Variants in HERC4 observed in about 807,000 individuals in gnomAD.
The protein encoded by HERC4 is HECT and RLD domain containing E3 ubiquitin protein ligase 4.
A neutral mutation model predicts 124.3 loss-of-function variants in HERC4; 28 were observed. The ratio of observed to expected loss-of-function variants is 0.23; its 90% CI spans 0.17 to 0.31. The LOEUF (loss-of-function observed/expected upper bound fraction) is 0.31. HERC4 is among the 10% of genes least tolerant of loss of function. The pLI, the probability that HERC4 is intolerant of heterozygous loss-of-function variation, is 1.00. For synonymous variants in HERC4, 407 were observed against 421.5 expected (o/e 0.97, Z 0.42); for missense variants, 713 against 1,229.3 (o/e 0.58, Z 6.28).
At chr10:68,059,877 A>T (rs1564610195) in intron 3 of HERC4, among the ~76,000 whole-genome samples, 4 of 75,376 alleles carry the variant, frequency 5.3e-5, no homozygotes, top group African/African-American at 2.1e-4. Flanking sequence ...TATTATAATA[A>T]TATTATATAT....
At chr10:68,051,697 T>C (rs2040319848) in intron 3 of HERC4, among the ~76,000 whole-genome samples, 4 of 147,792 alleles carry the variant, frequency 2.7e-5, no homozygotes, top group East Asian at 2.0e-4. Context: ...TTTTCTTTTT[T>C]TTTTTTTTTT....
At chr10:68,043,112 A>G (rs561606607) in intron 4 of HERC4, among the ~76,000 whole-genome samples, 4 of 152,238 alleles carry the variant, frequency 2.6e-5, no homozygotes, top group African/African-American at 9.6e-5. Flanking sequence ...CTTATAATTA[A>G]CTTTCTTTCC....
chr10:68,037,219 C>T (rs758966892), intron 5 of HERC4, among the ~76,000 whole-genome samples: 4 of 151,592 alleles, frequency 2.6e-5, no homozygotes, highest in Non-Finnish European at 4.4e-5. Flanking sequence ...CTCAGCCTCC[C>T]GAGTAGCTGG....
chr10:67,934,744 A>C (rs868016149), intron 22 of HERC4, among the ~76,000 whole-genome samples: 1 of 152,106 alleles, frequency 6.6e-6, no homozygotes, highest in African/African-American at 2.4e-5. Context: ...CCTTGATTCC[A>C]GTGTCTGATG....
At chr10:67,963,359 G>C (rs899940519) in intron 16 of HERC4, among the ~76,000 whole-genome samples, 1 of 152,156 alleles carries the variant, frequency 6.6e-6, no homozygotes, top group African/African-American at 2.4e-5. Flanking sequence ...TGGGATTACA[G>C]GTGCCCGCCA....
chr10:68,022,274 C>T (rs918790544), intron 8 of HERC4, among the ~76,000 whole-genome samples: 20 of 151,962 alleles, frequency 1.3e-4, no homozygotes, highest in Admixed American at 2.6e-4. Context: ...CCGAGGTGGG[C>T]GGATCAACTG....
intron 4 of HERC4, among the ~76,000 whole-genome samples, chr10:68,042,955 A>G (rs1205888190): frequency 6.6e-6 from 1 of 152,236 alleles, no homozygotes; most frequent in Non-Finnish European, 1.5e-5. Flanking sequence ...TACAGCTTAA[A>G]GTTAATACAG....
chr10:68,010,374 C>A, intron 9 of HERC4: 1 of 960,730 alleles, frequency 1.0e-6, no homozygotes, highest in East Asian at 2.7e-5. Context: ...CACTGGTGCC[C>A]CTGAGAAAGG....
rs1187890272 is a variant in HERC4, at chr10:68,071,244, G to A, written c.226+1639C>T. Reference sequence around the variant, plus strand: ...ACAATGTCAACATGACCACAAAGAAGCCTATTCTAGCTAGTTAAGTTTCTC... The same window carrying A: ...ACAATGTCAACATGACCACAAAGAAACCTATTCTAGCTAGTTAAGTTTCTC... On this transcript the variant is annotated intron_variant, in intron 3 of 24. Transcript: ENST00000373700. Among the ~76,000 whole-genome samples, 4 of 152,194 alleles carry A rather than the reference G, an allele frequency of 2.6e-5. No homozygotes were observed. In the East Asian group the frequency reaches 7.7e-4, roughly 29 times the overall value.
chr10:67,974,190 C>A (rs372261160), intron 15 of HERC4, among the ~76,000 whole-genome samples: 1 of 150,050 alleles, frequency 6.7e-6, no homozygotes, highest in Admixed American at 6.7e-5. Flanking sequence ...TCAAGTTACT[C>A]GAGAAACGTT....
chr10:67,987,131 T>G (rs1017844446), intron 15 of HERC4, among the ~76,000 whole-genome samples: 8 of 152,216 alleles, frequency 5.3e-5, no homozygotes, highest in African/African-American at 1.9e-4. Context: ...GTATTTAGAA[T>G]GAGTCCATCA....
chr10:67,965,383 T>C (rs773678655), intron 16 of HERC4: 4 of 152,208 alleles, frequency 2.6e-5, no homozygotes, highest in African/African-American at 4.8e-5. Context: ...GTATTTCCAA[T>C]ACCTAAATCA....
At chr10:67,952,337 G>A (rs978976784) in intron 19 of HERC4, among the ~76,000 whole-genome samples, 4 of 152,110 alleles carry the variant, frequency 2.6e-5, no homozygotes, top group Admixed American at 2.0e-4. Flanking sequence ...AGGCTGGAGT[G>A]CAGTGGCGCG....
Position 67,939,590 on chromosome 10 carries a change from TA to T in HERC4, c.2568del (p.Phe856LeufsTer13). On this transcript the variant is annotated frameshift_variant, in exon 21 of 25. Coordinates refer to ENST00000373700, the MANE Select transcript of HERC4 (RefSeq NM_015601.4). LOFTEE classifies it high-confidence loss of function. ...DDIEETFCLN[F>X]TITVENFGAT... is the part of the protein sequence containing the mutation. ...TAACCTATGTCCTTCCATCTTACCG[TA>T]AAATTAAGACAAAATGTTTCCTCTA... 6.2e-7 allele frequency: 1 copy of T among 1,600,048 alleles called. No individual in the cohort carries two copies. The highest frequency in any genetic ancestry group is 8.5e-7 in the Non-Finnish European group (1 of 1,170,510).
At chr10:68,032,991 C>T (rs892731918) in intron 6 of HERC4, 122 bp from the exon 7 acceptor site, 9 of 621,306 alleles carry the variant, frequency 1.4e-5, no homozygotes, top group Non-Finnish European at 2.3e-5. Context: ...AACTATGATT[C>T]GATGATTTTG....
At chr10:68,026,488 C>T (rs975868017) in intron 7 of HERC4, among the ~76,000 whole-genome samples, 14 of 152,088 alleles carry the variant, frequency 9.2e-5, no homozygotes, top group African/African-American at 3.4e-4. Flanking sequence ...AGGTGGATCA[C>T]TTGAGCTCAA....
chr10:68,017,974 T>C (rs1589335625), intron 8 of HERC4, among the ~76,000 whole-genome samples: 1 of 152,322 alleles, frequency 6.6e-6, no homozygotes, highest in East Asian at 1.9e-4. Flanking sequence ...TGTGCCAACA[T>C]TTCAAGCTGT....
chr10:68,011,796 T>C (rs977256294), intron 9 of HERC4, among the ~76,000 whole-genome samples: 6 of 152,214 alleles, frequency 3.9e-5, no homozygotes, highest in African/African-American at 1.4e-4. Context: ...CCAGATGCAT[T>C]AGACCCTAAA....
intron 15 of HERC4, among the ~76,000 whole-genome samples, chr10:67,985,138 T>C (rs2036188390): frequency 6.6e-6 from 1 of 152,218 alleles, no homozygotes; most frequent in Non-Finnish European, 1.5e-5. Flanking sequence ...TCCTTCATAG[T>C]TACATGCCCT....
Sources: allele counts gnomAD v4.1 joint callset (sites outside exome capture counted in the v4.1 genomes callset), GRCh38; gene constraint gnomAD v4.1.1; transcripts MANE v1.5; gene names NCBI Gene and HGNC (gene_info 2026-07-23, HGNC 2026-07-21).